The following POLA1 variants were observed in gnomAD, a reference collection of about 807,000 sequenced individuals.
POLA1 encodes DNA polymerase alpha catalytic subunit.
In POLA1, 15 loss-of-function variants were observed where a neutral mutation model predicts 124.0. The ratio of observed to expected loss-of-function variants is 0.12; its 90% CI spans 0.08 to 0.19. The LOEUF is 0.19. POLA1 is among the 10% of genes least tolerant of loss of function. The probability of loss-of-function intolerance (pLI) is 1.00; values close to 1 mark genes in which losing one functional copy is unlikely to be tolerated. For synonymous variants in POLA1, 408 were observed against 389.4 expected (o/e 1.05, Z -0.56); for missense variants, 886 against 1,103.4 (o/e 0.80, Z 2.79).
chrX:24,831,444 A>G (rs769022698), intron 32 of POLA1, among the ~76,000 whole-genome samples: 19 of 110,932 alleles, frequency 1.7e-4, no homozygotes, highest in South Asian at 7.7e-4. Context: ...TTTTTGAGAA[A>G]GAGTCTTACT....
chrX:24,931,027 C>T (rs1270689618), intron 36 of POLA1, among the ~76,000 whole-genome samples: 3 of 111,053 alleles, frequency 2.7e-5, no homozygotes, highest in African/African-American at 9.8e-5. Flanking sequence ...AGTATATAGG[C>T]GCCTCAGCCC....
At chrX:24,694,147 A>G in intron 1 of POLA1, 143 bp downstream of exon 1, 1 of 605,826 alleles carries the variant, frequency 1.7e-6, no homozygotes, top group Non-Finnish European at 2.5e-6. Context: ...CTGGCGTCGG[A>G]CCGGGCTTCC....
At chrX:24,979,046 G>A (rs2048395262) in intron 36 of POLA1, among the ~76,000 whole-genome samples, 1 of 112,065 alleles carries the variant, frequency 8.9e-6, no homozygotes, top group Admixed American at 9.4e-5. Context: ...ATTAGAGAAG[G>A]CAAGTGATAA....
intron 36 of POLA1, among the ~76,000 whole-genome samples, chrX:24,950,428 T>C (rs975910244): frequency 1.8e-5 from 2 of 112,344 alleles, no homozygotes; most frequent in African/African-American, 3.2e-5. Flanking sequence ...GGCTACCTTA[T>C]TGGGCAACAC....
intron 36 of POLA1, among the ~76,000 whole-genome samples, chrX:24,966,944 G>A (rs1388971826): frequency 8.9e-6 from 1 of 112,109 alleles, no homozygotes; most frequent in Non-Finnish European, 1.9e-5. Flanking sequence ...TAAATAATGG[G>A]AAATAGAGCA....
intron 35 of POLA1, among the ~76,000 whole-genome samples, chrX:24,890,406 A>T (rs2047129543): frequency 9.0e-6 from 1 of 111,551 alleles, no homozygotes; most frequent in Non-Finnish European, 1.9e-5. Context: ...AAAATTTTAA[A>T]CACAAATTTA....
chrX:24,825,517 C>G (rs2046158896), intron 31 of POLA1, among the ~76,000 whole-genome samples: 2 of 112,202 alleles, frequency 1.8e-5, no homozygotes, highest in South Asian at 7.4e-4. Context: ...ATAGTTATAA[C>G]TTACTAGTTT....
chrX:24,729,538 A>G (rs1210946161), intron 15 of POLA1, among the ~76,000 whole-genome samples: 2 of 112,061 alleles, frequency 1.8e-5, no homozygotes, highest in Non-Finnish European at 3.8e-5. Flanking sequence ...TTCTTTAGCC[A>G]GTATTATTTG....
intron 34 of POLA1, among the ~76,000 whole-genome samples, chrX:24,860,931 C>G (rs1038434207): frequency 8.9e-6 from 1 of 111,732 alleles, no homozygotes; most frequent in Non-Finnish European, 1.9e-5. Context: ...TCCTAACACC[C>G]TGTCCCCACC....
rs1389304232 is a variant in POLA1, at chrX:24,987,267, A to G, written c.4262-8538A>G. Among the ~76,000 whole-genome samples the G allele has an allele frequency of 2.7e-5, 3 of 111,750 alleles. 1 individual carries two copies. Among genetic ancestry groups the G allele is most frequent in the Non-Finnish European group, 3.8e-5 (2 of 53,164 alleles). On this transcript the variant is annotated intron_variant, in intron 36 of 36. Coordinates refer to ENST00000379068, the MANE Select transcript of POLA1 (RefSeq NM_001330360.2). ...CGTTGAGCACTCAGGAGACAGTGGG[A>G]CTGACACCTTGATTGTAGCCTTGTG...
intron 26 of POLA1, among the ~76,000 whole-genome samples, chrX:24,767,676 T>C (rs938663199): frequency 3.6e-5 from 4 of 111,960 alleles, no homozygotes; most frequent in Non-Finnish European, 7.5e-5. Flanking sequence ...GAGAAAATGT[T>C]TGCATTTATT....
At chrX:24,869,204 G>C (rs1409725770) in intron 34 of POLA1, among the ~76,000 whole-genome samples, 2 of 112,729 alleles carry the variant, frequency 1.8e-5, no homozygotes, top group African/African-American at 6.4e-5. Flanking sequence ...AAAGTGCTGG[G>C]ATTACAGGCA....
intron 34 of POLA1, among the ~76,000 whole-genome samples, chrX:24,881,541 A>G (rs1032871166): frequency 8.9e-6 from 1 of 111,800 alleles, no homozygotes; most frequent in Non-Finnish European, 1.9e-5. Context: ...GCAGTTTTTC[A>G]TAACCTCAAT....
At chrX:24,801,927 GT>G (rs1213053856) in intron 26 of POLA1, among the ~76,000 whole-genome samples, 46 of 88,337 alleles carry the variant, frequency 5.2e-4, no homozygotes, top group East Asian at 4.3e-3. Flanking sequence ...GTGGGTGGGT[GT>G]GTGTGTGTGT....
intron 36 of POLA1, among the ~76,000 whole-genome samples, chrX:24,984,704 G>A (rs1364034461): frequency 1.0e-5 from 1 of 96,265 alleles, no homozygotes; most frequent in Non-Finnish European, 2.0e-5. Flanking sequence ...CTGTTGCCCA[G>A]GCTGGAGTGC....
chrX:24,835,511 C>A (rs748016465), intron 32 of POLA1, among the ~76,000 whole-genome samples: 1 of 110,894 alleles, frequency 9.0e-6, no homozygotes, highest in African/African-American at 3.3e-5. Context: ...TAAAAAGCTC[C>A]TTGTTTGGAT....
chrX:24,894,966 G>C (rs1428844957), intron 35 of POLA1, among the ~76,000 whole-genome samples: 2 of 109,752 alleles, frequency 1.8e-5, no homozygotes, highest in Non-Finnish European at 3.8e-5. Context: ...TAGAAACTGG[G>C]CTTTGCCATG....
chrX:24,830,945 T>C (rs2046251982), intron 32 of POLA1, among the ~76,000 whole-genome samples: 1 of 112,048 alleles, frequency 8.9e-6, no homozygotes, highest in Admixed American at 9.5e-5. Flanking sequence ...CATTTGGCTA[T>C]CTGGGCAGTT....
At chrX:24,962,541 G>C (rs769292687) in intron 36 of POLA1, among the ~76,000 whole-genome samples, 1 of 111,573 alleles carries the variant, frequency 9.0e-6, no homozygotes, top group Non-Finnish European at 1.9e-5. Context: ...AGGACTTTGC[G>C]TACATTTTGT....
Sources: allele counts gnomAD v4.1 joint callset (sites outside exome capture counted in the v4.1 genomes callset), GRCh38; gene constraint gnomAD v4.1.1; transcripts MANE v1.5; gene names NCBI Gene and HGNC (gene_info 2026-07-23, HGNC 2026-07-21).